PCDHGB1: variants seen among roughly 807,000 people sequenced by gnomAD.
PCDHGB1 encodes the protein protocadherin gamma-B1.
In PCDHGB1, 34 loss-of-function variants were observed where a neutral mutation model predicts 56.6. That is an observed-to-expected ratio of 0.60 (90% CI 0.46 to 0.80). The LOEUF (loss-of-function observed/expected upper bound fraction) is 0.80. Ranked by LOEUF, PCDHGB1 falls within the 30% of genes least tolerant of loss-of-function variation. The probability of loss-of-function intolerance (pLI) is 0.00; values close to 1 mark genes in which losing one functional copy is unlikely to be tolerated. For missense variants in PCDHGB1, 1,278 were observed against 1,204.6 expected (o/e 1.06, Z -0.90); for synonymous variants, 561 against 505.9 (o/e 1.11, Z -1.46).
intron 1 of PCDHGB1, chr5:141,394,896 G>A: frequency 4.3e-6 from 7 of 1,613,872 alleles, no homozygotes; most frequent in Non-Finnish European, 5.9e-6. Context: ...CTATCTCGTG[G>A]TGGCAGTGGC....
intron 1 of PCDHGB1, chr5:141,409,152 T>C: frequency 6.2e-7 from 1 of 1,613,988 alleles, no homozygotes; most frequent in Non-Finnish European, 8.5e-7. Context: ...AGGTACACCA[T>C]GGAAGTGGAA....
At position 141,491,894 on chromosome 5, in the gene PCDHGB1, C is replaced by T. The variant is rs1209251388; in HGVS notation, c.2410-2913C>T. The T allele has an allele frequency of 1.5e-5, 22 of 1,434,752 alleles. No individual in the cohort carries two copies. Among genetic ancestry groups the T allele is most frequent in the Admixed American group, 2.9e-5 (1 of 34,278 alleles). 88.9% of individuals were successfully genotyped at this position (1,434,752 alleles called of 1,614,324 possible). The stretch of plus-strand genomic sequence containing the variant: ...GCCGATTAAGGGATGGGGCTCCGAG[C>T]ACCGGGGGTGGTGGCGACTGTGGGC... On this transcript the variant is annotated intron_variant, in intron 1 of 3. Transcript: ENST00000523390. The surrounding 1 kb of genome is among the most constrained non-coding windows in gnomAD (Gnocchi z 6.9).
chr5:141,399,999 A>G (rs1589395014), intron 1 of PCDHGB1: 1 of 1,612,302 alleles, frequency 6.2e-7, no homozygotes. Flanking sequence ...AGGTGCGCAC[A>G]GCGCGTGCCT....
At position 141,474,199 on chromosome 5, in the gene PCDHGB1, G is replaced by C. The variant is rs74540928; in HGVS notation, c.2410-20608G>C. Reference sequence around the variant, plus strand: ...AAAACTACTTACATTTTTAAAAGCTGATTTTCAAAAACCAGATTGTGAATT... The same window carrying C: ...AAAACTACTTACATTTTTAAAAGCTCATTTTCAAAAACCAGATTGTGAATT... On this transcript the variant is annotated intron_variant, in intron 1 of 3. Transcript: ENST00000523390. Among the ~76,000 whole-genome samples, 85 of 152,308 alleles carry C rather than the reference G, an allele frequency of 5.6e-4. 1 individual carries two copies. In the East Asian group the frequency reaches 0.016, roughly 29 times the overall value.
At chr5:141,495,277 G>A (rs2099760037) in intron 2 of PCDHGB1, among the ~76,000 whole-genome samples, 1 of 152,168 alleles carries the variant, frequency 6.6e-6, no homozygotes, top group African/African-American at 2.4e-5. Context: ...ACCGGAGGAG[G>A]CGGTCCGCAC....
chr5:141,433,032 C>G, intron 1 of PCDHGB1: 1 of 1,614,188 alleles, frequency 6.2e-7, no homozygotes, highest in Non-Finnish European at 8.5e-7. Context: ...CACGAGGTTT[C>G]CCTCACCACG....
intron 1 of PCDHGB1, among the ~76,000 whole-genome samples, chr5:141,444,862 A>G (rs781224880): frequency 1.8e-4 from 28 of 152,198 alleles, no homozygotes; most frequent in Non-Finnish European, 2.9e-4. Flanking sequence ...AAGTCTTACT[A>G]CAGGACAAAG....
chr5:141,365,658 C>T, intron 1 of PCDHGB1: 1 of 1,613,440 alleles, frequency 6.2e-7, no homozygotes, highest in Non-Finnish European at 8.5e-7. Context: ...TTGAAAGTAG[C>T]AGACGTTAAT....
chr5:141,428,773 T>C (rs1036838681), intron 1 of PCDHGB1: 1 of 154,174 alleles, frequency 6.5e-6, no homozygotes, highest in Admixed American at 6.4e-5. Context: ...CCACTCTTAA[T>C]ATTTCCTGTT....
chr5:141,355,238 T>G, intron 1 of PCDHGB1: 1 of 1,612,564 alleles, frequency 6.2e-7, no homozygotes, highest in Non-Finnish European at 8.5e-7. Flanking sequence ...CACACCCGGC[T>G]GCTCCAGATC....
In PCDHGB1 at chr5:141,409,653, A is replaced by G. The variant is rs763812886; in HGVS notation, c.2409+56984A>G. 10 of 1,613,542 alleles carry G rather than the reference A, an allele frequency of 6.2e-6. No homozygotes were observed. The East Asian group carries it at 8.9e-5, about 14-fold the overall frequency. ...GCCTCTGACCCGGATTTGGGGCTCAATGGCCACATCTCCTACTCTATAGTG... is the reference window on the plus strand; with the variant it reads ...GCCTCTGACCCGGATTTGGGGCTCAGTGGCCACATCTCCTACTCTATAGTG... On this transcript the variant is annotated intron_variant, in intron 1 of 3. Transcript: ENST00000523390.
intron 1 of PCDHGB1, chr5:141,422,227 A>G: frequency 6.4e-7 from 1 of 1,566,716 alleles, no homozygotes; most frequent in Non-Finnish European, 8.6e-7. Context: ...CACCACGACG[A>G]TGTTGATCAC....
intron 1 of PCDHGB1, among the ~76,000 whole-genome samples, chr5:141,429,812 A>G (rs2097246172): frequency 6.6e-6 from 1 of 152,226 alleles, no homozygotes; most frequent in South Asian, 2.1e-4. Context: ...AGTAATTACA[A>G]TTAGGTCAGT....
chr5:141,384,829 G>A (rs1243050988), intron 1 of PCDHGB1: 5 of 1,613,524 alleles, frequency 3.1e-6, no homozygotes, highest in Non-Finnish European at 4.2e-6. Flanking sequence ...GAGCCTCGTG[G>A]TGGCCGTCCA....
chr5:141,442,321 C>G (rs1323525940), intron 1 of PCDHGB1: 1 of 152,360 alleles, frequency 6.6e-6, no homozygotes, highest in African/African-American at 2.4e-5. Context: ...ATGTCTATCC[C>G]GCGCTAAGCC....
At chr5:141,456,918 G>C (rs535602842) in intron 1 of PCDHGB1, among the ~76,000 whole-genome samples, 49 of 152,124 alleles carry the variant, frequency 3.2e-4, no homozygotes, top group African/African-American at 1.2e-3. Context: ...AGCCGAGATC[G>C]CACCACTGCA....
At chr5:141,409,708 G>C (rs2095304272) in intron 1 of PCDHGB1, 5 of 1,613,088 alleles carry the variant, frequency 3.1e-6, no homozygotes, top group Non-Finnish European at 1.7e-6. Context: ...TGGCGGTGTC[G>C]TCATACGTGT....
In PCDHGB1 at chr5:141,375,771, T is replaced by C. The variant is rs570278414; in HGVS notation, c.2409+23102T>C. ...CAGAATGACAATGCGCCCGAGATCC[T>C]GTACCCCGCCCTCCCCACAGACGGT... On this transcript the variant is annotated intron_variant, in intron 1 of 3. Transcript: ENST00000523390. 16 of 1,614,130 alleles carry C rather than the reference T, an allele frequency of 9.9e-6. No individual in the cohort carries two copies. Among genetic ancestry groups the C allele is most frequent in the Middle Eastern group, 1.6e-4 (1 of 6,084 alleles).
intron 1 of PCDHGB1, chr5:141,418,983 A>T: frequency 6.2e-7 from 1 of 1,613,900 alleles, no homozygotes; most frequent in Admixed American, 1.7e-5. Context: ...CGGGACCAAG[A>T]CTCAGGGGAA....
Sources: allele counts gnomAD v4.1 joint callset (sites outside exome capture counted in the v4.1 genomes callset), GRCh38; gene constraint gnomAD v4.1.1; non-coding constraint Gnocchi (gnomAD v3.1); transcripts MANE v1.5; gene names NCBI Gene and HGNC (gene_info 2026-07-23, HGNC 2026-07-21).